Variants in USP54 observed in about 807,000 individuals in gnomAD.
USP54 encodes ubiquitin specific peptidase 54, also known as ubiquitin carboxyl-terminal hydrolase 54.
A neutral mutation model predicts 170.5 loss-of-function variants in USP54; 87 were observed. The ratio of observed to expected loss-of-function variants is 0.51; its 90% confidence interval spans 0.43 to 0.61. USP54 has a LOEUF of 0.61. USP54 is among the 20% of genes least tolerant of loss of function. The pLI is 0.00. For missense variants in USP54, 1,786 were observed against 2,047.8 expected (o/e 0.87, Z 2.47); for synonymous variants, 655 against 742.8 (o/e 0.88, Z 1.92).
Position 73,517,152 on chromosome 10 carries a change from TC to T in USP54, c.3273del (p.Thr1093LeufsTer14). On this transcript the variant is annotated frameshift_variant, in exon 20 of 24. Transcript: ENST00000687698. LOFTEE classifies it high-confidence loss of function. ...TGGCCTTGGAGGCATTGGTTAGTTT[TC>T]TGCACAGGATCAGGACAGTGAAGCA... ...SFVLHCPDPVQKTNQCLQGQS... is the reference protein window; with the variant it reads ...SFVLHCPDPVXKTNQCLQGQS... 6.2e-7 allele frequency: 1 copy of T among 1,614,240 alleles called. No individual in the cohort carries two copies. The highest frequency in any genetic ancestry group is 8.5e-7 in the Non-Finnish European group (1 of 1,180,046).
At chr10:73,525,373 T>C (rs540559644) in intron 16 of USP54, among the ~76,000 whole-genome samples, 3 of 152,316 alleles carry the variant, frequency 2.0e-5, no homozygotes, top group Non-Finnish European at 2.9e-5. Context: ...TAAATAGGGC[T>C]TATTATACAA....
intron 1 of USP54, among the ~76,000 whole-genome samples, chr10:73,620,035 G>A (rs1370676275): frequency 6.0e-5 from 9 of 150,314 alleles, no homozygotes; most frequent in Non-Finnish European, 1.2e-4. Flanking sequence ...TAGGCTTGCC[G>A]GGCACAGTGG....
intron 17 of USP54, among the ~76,000 whole-genome samples, chr10:73,522,841 A>G (rs1180342028): frequency 1.3e-5 from 2 of 152,258 alleles, no homozygotes; most frequent in Non-Finnish European, 2.9e-5. Flanking sequence ...AACAGCCAGC[A>G]AAGTTAAAAG....
intron 1 of USP54, among the ~76,000 whole-genome samples, chr10:73,607,960 TCAA>T (rs1057101360): frequency 2.7e-5 from 4 of 150,900 alleles, no homozygotes; most frequent in Admixed American, 2.6e-4. Flanking sequence ...ACGATATTAC[TCAA>T]CAAGTTATTC....
chr10:73,539,368 G>A, intron 10 of USP54, 76 bp downstream of exon 10: 2 of 1,258,946 alleles, frequency 1.6e-6, no homozygotes, highest in South Asian at 5.2e-5. Context: ...TTATGAAAAT[G>A]AAACACTAAA....
chr10:73,589,030 T>A (rs572203390), intron 1 of USP54, among the ~76,000 whole-genome samples: 1 of 152,344 alleles, frequency 6.6e-6, no homozygotes, highest in South Asian at 2.1e-4. Context: ...AACTGGGACT[T>A]CTCTCTCCCT....
intron 1 of USP54, among the ~76,000 whole-genome samples, chr10:73,580,557 T>C (rs574218241): frequency 1.3e-5 from 2 of 151,474 alleles, no homozygotes; most frequent in African/African-American, 4.8e-5. Flanking sequence ...TGTGTTACAA[T>C]TGCTTATTTT....
intron 1 of USP54, among the ~76,000 whole-genome samples, chr10:73,588,900 C>T (rs944301269): frequency 6.6e-6 from 1 of 152,218 alleles, no homozygotes; most frequent in African/African-American, 2.4e-5. Flanking sequence ...TTGAAGAAGT[C>T]ATACCACTGG....
intron 10 of USP54, among the ~76,000 whole-genome samples, chr10:73,538,918 G>T (rs976480329): frequency 2.0e-5 from 3 of 152,104 alleles, no homozygotes; most frequent in Non-Finnish European, 4.4e-5. Flanking sequence ...TCCTATCCTC[G>T]AAGAACTAGC....
At chr10:73,602,855 CAAAA>C (rs60433926) in intron 1 of USP54, among the ~76,000 whole-genome samples, 3 of 41,428 alleles carry the variant, frequency 7.2e-5, no homozygotes, top group African/African-American at 6.7e-5. Context: ...GACTCTGTCT[CAAAA>C]AAAAAAAAAA....
chr10:73,594,417 TTTTTAAGAG>T (rs2078553609), upstream of USP54, among the ~76,000 whole-genome samples: 1 of 108,636 alleles, frequency 9.2e-6, no homozygotes, highest in Non-Finnish European at 1.7e-5. Flanking sequence ...ATTTGGGAAC[TTTTTAAGAG>T]ACAGGTTCTT....
At chr10:73,609,645 A>G (rs2079968301) in intron 1 of USP54, among the ~76,000 whole-genome samples, 1 of 152,100 alleles carries the variant, frequency 6.6e-6, no homozygotes, top group African/African-American at 2.4e-5. Flanking sequence ...GGAGATCGAG[A>G]CCATGCTGGC....
chr10:73,502,253 T>C (rs1338175831), intron 22 of USP54, among the ~76,000 whole-genome samples: 7 of 152,210 alleles, frequency 4.6e-5, no homozygotes, highest in Non-Finnish European at 1.0e-4. Context: ...GCATTTATCA[T>C]ACTGCCTAAG....
chr10:73,544,965 G>A (rs1334201077), intron 5 of USP54, among the ~76,000 whole-genome samples: 1 of 152,114 alleles, frequency 6.6e-6, no homozygotes, highest in Non-Finnish European at 1.5e-5. Flanking sequence ...GCCTGCCTTG[G>A]CCTCCCAAAG....
intron 4 of USP54, among the ~76,000 whole-genome samples, chr10:73,567,479 T>C (rs866739935): frequency 6.6e-6 from 1 of 152,232 alleles, no homozygotes; most frequent in Middle Eastern, 3.4e-3. Context: ...GGGACCAGCC[T>C]GGCCAACATG....
At chr10:73,529,949 G>A in intron 14 of USP54, 38 bp from the exon 15 acceptor site, 1 of 1,515,506 alleles carries the variant, frequency 6.6e-7, no homozygotes, top group Non-Finnish European at 8.8e-7. Context: ...AAATGAGGTA[G>A]ATTTAGCATT....
chr10:73,573,387 A>G (rs1403403129), intron 3 of USP54, among the ~76,000 whole-genome samples: 1 of 152,230 alleles, frequency 6.6e-6, no homozygotes, highest in Non-Finnish European at 1.5e-5. Context: ...AATTTGGGTA[A>G]TAATTAGGGA....
At chr10:73,506,184 GATTAAA>G (rs2059106879) in intron 20 of USP54, 1 of 152,106 alleles carries the variant, frequency 6.6e-6, no homozygotes, top group Non-Finnish European at 1.5e-5. Flanking sequence ...GTTTAACCAG[GATTAAA>G]ATTAAATCCT....
intron 1 of USP54, among the ~76,000 whole-genome samples, chr10:73,587,739 T>C (rs1244565514): frequency 6.6e-6 from 1 of 152,154 alleles, no homozygotes; most frequent in African/African-American, 2.4e-5. Context: ...TCTCATAGGA[T>C]TGTTATAAGA....
Sources: gnomAD v4.1 joint callset for allele counts (sites outside exome capture counted in the v4.1 genomes callset) on GRCh38, gnomAD v4.1.1 for gene constraint, MANE v1.5 for transcripts, NCBI Gene and HGNC (gene_info 2026-07-23, HGNC 2026-07-21) for gene names.